WNT10A: variants seen among roughly 807,000 people sequenced by gnomAD.
WNT10A encodes Wnt family member 10A.
Under a neutral mutation model 36.1 loss-of-function variants are expected in WNT10A, and 37 were observed. That is an observed-to-expected ratio of 1.02 (90% CI 0.79 to 1.35). WNT10A has a LOEUF of 1.35. Among genes scored for constraint, WNT10A ranks in the 40% most tolerant of loss-of-function variants. The pLI is 0.00. For synonymous variants in WNT10A, 255 were observed against 254.1 expected (o/e 1.00, Z -0.03); for missense variants, 613 against 601.4 (o/e 1.02, Z -0.20).
upstream of WNT10A, among the ~76,000 whole-genome samples, chr2:218,879,541 G>A (rs1037654167): frequency 6.6e-6 from 1 of 152,242 alleles, no homozygotes; most frequent in Non-Finnish European, 1.5e-5. Flanking sequence ...ATCGAGGAGG[G>A]GCCCAGTGTT....
intron 2 of WNT10A, among the ~76,000 whole-genome samples, chr2:218,884,833 C>T (rs1298146761): frequency 6.6e-6 from 1 of 152,182 alleles, no homozygotes; most frequent in Non-Finnish European, 1.5e-5. Flanking sequence ...GGTCAGGTGA[C>T]CTCCGTTTCC....
rs368426057 is a variant in WNT10A, at chr2:218,890,136, T to C, written c.529T>C (p.Leu177=). 2.5e-6 allele frequency: 4 copies of C among 1,614,020 alleles called. No individual in the cohort carries two copies. In the African/African-American group the frequency reaches 5.3e-5, roughly 22 times the overall value. The change falls in exon 3 of 4, where the codon TTA becomes CTA. Residue 177 remains leucine, a synonymous_variant. Coordinates refer to ENST00000258411, the MANE Select transcript of WNT10A (RefSeq NM_025216.3). ...EEAFRRKLHR[L]QLDALQRGKG... Reference sequence around the variant, plus strand: ...GGCCTTCCGTAGGAAGCTGCACCGCTTACAACTGGATGCACTGCAGCGTGG... The same window carrying C: ...GGCCTTCCGTAGGAAGCTGCACCGCCTACAACTGGATGCACTGCAGCGTGG...
chr2:218,881,154 C>T (rs1346835278), intron 1 of WNT10A, 46 bp downstream of exon 1: 3 of 1,556,772 alleles, frequency 1.9e-6, no homozygotes, highest in Admixed American at 1.9e-5. Context: ...GTTGGGACCC[C>T]GGCCTGCAGG....
Position 218,882,424 on chromosome 2 carries a change from G to T in WNT10A, c.376+1G>T. 4 of 1,614,088 alleles carry T rather than the reference G, an allele frequency of 2.5e-6. No homozygotes were observed. Among genetic ancestry groups the T allele is most frequent in the Non-Finnish European group, 2.5e-6 (3 of 1,179,988 alleles). On this transcript the variant is annotated splice_donor_variant, in intron 2 of 3. Transcript: ENST00000258411. LOFTEE classifies it high-confidence loss of function. The stretch of plus-strand genomic sequence containing the variant: ...TATGAGAGTCCCATCTTCAGCAGAG[G>T]TAGCTGCCCCTCACCCCTGCCCCTG...
Position 218,881,113 on chromosome 2 carries a change from G to C in WNT10A, c.113+5G>C, listed in dbSNP as rs1244050822. ...GCTGGCTGCTGCCATGCCCAGGTGA[G>C]CCCTCACCTCATGCTCCGCCCTCCT... On this transcript the variant is annotated splice_donor_5th_base_variant and intron_variant, in intron 1 of 3. Transcript: ENST00000258411. 6.3e-7 allele frequency: 1 copy of C among 1,589,712 alleles called. No individual in the cohort carries two copies. The highest frequency in any genetic ancestry group is 1.1e-5 in the South Asian group (1 of 87,538).
upstream of WNT10A, among the ~76,000 whole-genome samples, chr2:218,877,903 A>T (rs1344780525): frequency 6.6e-6 from 1 of 152,168 alleles, no homozygotes; most frequent in Non-Finnish European, 1.5e-5. This position sits in a 1 kb window ranked among gnomAD's most constrained non-coding sequence, Gnocchi z 4.1. Context: ...CCAGCTGGGC[A>T]CCAGGACTGG....
chr2:218,878,444 G>A (rs1013930529), upstream of WNT10A, among the ~76,000 whole-genome samples: 1 of 152,024 alleles, frequency 6.6e-6, no homozygotes, highest in Admixed American at 6.5e-5. This position sits in a 1 kb window ranked among gnomAD's most constrained non-coding sequence, Gnocchi z 4.1. Flanking sequence ...TTGCACCTCT[G>A]TATTTCACAG....
the WNT10A span, among the ~76,000 whole-genome samples, chr2:218,875,190 T>C: frequency 2.4e-4 from 19 of 79,414 alleles, no homozygotes; most frequent in African/African-American, 1.2e-3. Context: ...TTTTTTTTTT[T>C]TTTTTTTTTT....
chr2:218,889,812 A>G (rs1944623991), intron 2 of WNT10A, among the ~76,000 whole-genome samples, 172 bp from the exon 3 acceptor site: 1 of 152,152 alleles, frequency 6.6e-6, no homozygotes, highest in Non-Finnish European at 1.5e-5. Flanking sequence ...TTCTGTTTGC[A>G]GAAGAACTGG....
chr2:218,886,264 G>A (rs1303360789), intron 2 of WNT10A, among the ~76,000 whole-genome samples: 1 of 152,114 alleles, frequency 6.6e-6, no homozygotes, highest in African/African-American at 2.4e-5. Flanking sequence ...GCATATGTGT[G>A]GCTCCATTCA....
chr2:218,874,762 T>C, the WNT10A span, among the ~76,000 whole-genome samples: 1 of 152,238 alleles, frequency 6.6e-6, no homozygotes, highest in Non-Finnish European at 1.5e-5. Flanking sequence ...TCAGACACTC[T>C]GGGTTTGCAG....
In WNT10A at chr2:218,880,914, C is replaced by T; in HGVS notation, c.-82C>T. ...TGTCGCAGCCGCCCCGACCCCCCGC[C>T]GATCATGCGCCGGCGCCCCTGGCTC... On this transcript the variant is annotated 5_prime_UTR_variant, in exon 1 of 4. Transcript: ENST00000258411. This position sits in a 1 kb window ranked among gnomAD's most constrained non-coding sequence, Gnocchi z 7.7. 6.9e-7 allele frequency: 1 copy of T among 1,455,342 alleles called. No homozygotes were observed. The highest frequency in any genetic ancestry group is 9.0e-7 in the Non-Finnish European group (1 of 1,107,166). The allele number at this position is 1,455,342 out of a possible 1,614,324, so 90.2% of individuals were successfully genotyped here.
chr2:218,892,635 TG>T, intron 3 of WNT10A, 138 bp from the exon 4 acceptor site: 2 of 1,370,588 alleles, frequency 1.5e-6, no homozygotes, highest in Non-Finnish European at 2.0e-6. Flanking sequence ...TCTGACTGCC[TG>T]GTTGTGGGAC....
At chr2:218,882,974 G>C (rs1328636619) in intron 2 of WNT10A, among the ~76,000 whole-genome samples, 1 of 152,208 alleles carries the variant, frequency 6.6e-6, no homozygotes, top group East Asian at 1.9e-4. Flanking sequence ...CAGAGGTGCT[G>C]GGTGTGTGTG....
chr2:218,892,367 G>T (rs1559415783), intron 3 of WNT10A, among the ~76,000 whole-genome samples: 1 of 149,510 alleles, frequency 6.7e-6, no homozygotes, highest in Non-Finnish European at 1.5e-5. Flanking sequence ...ACACGGCCTG[G>T]AGCGAGATAC....
intron 1 of WNT10A, 87 bp from the exon 2 acceptor site, chr2:218,882,074 T>C: frequency 6.5e-7 from 1 of 1,526,792 alleles, no homozygotes; most frequent in Non-Finnish European, 8.9e-7. Context: ...GGAGTGATTA[T>C]GGCCGTTGGG....
upstream of WNT10A, among the ~76,000 whole-genome samples, chr2:218,876,428 C>T (rs185005677): frequency 2.9e-4 from 44 of 152,312 alleles, no homozygotes; most frequent in African/African-American, 8.9e-4. Flanking sequence ...TGCATTCACT[C>T]GGTGACCTAG....
upstream of WNT10A, among the ~76,000 whole-genome samples, chr2:218,880,060 G>A (rs147063790): frequency 1.4e-4 from 22 of 152,284 alleles, no homozygotes; most frequent in Non-Finnish European, 1.8e-4. The surrounding 1 kb of genome is among the most constrained non-coding windows in gnomAD (Gnocchi z 7.7). Context: ...ACACAGCAAA[G>A]GGGAGAAGAA....
intron 1 of WNT10A, 110 bp from the exon 2 acceptor site, chr2:218,882,051 G>T: frequency 7.1e-7 from 1 of 1,403,162 alleles, no homozygotes; most frequent in Non-Finnish European, 9.7e-7. Context: ...TTCAGAAGCA[G>T]AGGTTGGAAG....
Sources: gnomAD v4.1 joint callset for allele counts (sites outside exome capture counted in the v4.1 genomes callset) on GRCh38, gnomAD v4.1.1 for gene constraint, Gnocchi (gnomAD v3.1) non-coding constraint, MANE v1.5 for transcripts, NCBI Gene and HGNC (gene_info 2026-07-23, HGNC 2026-07-21) for gene names.